Variants in ARHGEF33 observed in about 807,000 individuals in gnomAD.
The protein encoded by ARHGEF33 is Rho guanine nucleotide exchange factor 33.
A neutral mutation model predicts 101.9 loss-of-function variants in ARHGEF33; 72 were observed. That is an observed-to-expected ratio of 0.71 (90% CI 0.58 to 0.86). The LOEUF (loss-of-function observed/expected upper bound fraction) is 0.86, where lower values mean the gene tolerates loss of function less well. Among genes scored for constraint, ARHGEF33 ranks in the 40% least tolerant of loss-of-function variants. The pLI, the probability that ARHGEF33 is intolerant of heterozygous loss-of-function variation, is 0.00. For missense variants in ARHGEF33, 1,169 were observed against 1,111.3 expected (o/e 1.05, Z -0.74); for synonymous variants, 499 against 442.5 (o/e 1.13, Z -1.60).
chr2:38,926,074 C>G (rs963551684), intron 4 of ARHGEF33, among the ~76,000 whole-genome samples: 1 of 152,182 alleles, frequency 6.6e-6, no homozygotes, highest in Non-Finnish European at 1.5e-5. Context: ...AATTCGGACT[C>G]CTCTCCCCTA....
chr2:38,967,230 A>G (rs1275980426), intron 17 of ARHGEF33, among the ~76,000 whole-genome samples: 3 of 152,108 alleles, frequency 2.0e-5, no homozygotes, highest in African/African-American at 7.2e-5. Flanking sequence ...TCTAATTGTA[A>G]TTATCCTCCT....
At chr2:38,919,266 G>T (rs1666704394) in intron 2 of ARHGEF33, 97 bp from the exon 3 acceptor site, 2 of 592,440 alleles carry the variant, frequency 3.4e-6, no homozygotes, top group Admixed American at 5.9e-5. Context: ...TGTACCTCAA[G>T]CTGTGTTCAT....
intron 1 of ARHGEF33, among the ~76,000 whole-genome samples, chr2:38,891,130 C>T (rs971843135): frequency 1.3e-5 from 2 of 151,974 alleles, no homozygotes; most frequent in Non-Finnish European, 2.9e-5. Context: ...GATGGGGTTT[C>T]GTCATGTTGC....
Position 38,950,586 on chromosome 2 carries a change from G to A in ARHGEF33, c.921-403G>A, listed in dbSNP as rs573857790. 2.4e-3 allele frequency among the ~76,000 whole-genome samples: 366 copies of A among 152,284 alleles called. 3 individuals are homozygous for A. Among genetic ancestry groups the A allele is most frequent in the Non-Finnish European group, 4.0e-3 (269 of 68,014 alleles). ...CCTGCCTTAGCCTCCCAAGTAGCTG[G>A]AATTAGGTGCATGCCACCATGCCCA... On this transcript the variant is annotated intron_variant, in intron 10 of 17. Coordinates refer to ENST00000409978, the MANE Select transcript of ARHGEF33 (RefSeq NM_001145451.5).
intron 4 of ARHGEF33, 34 bp downstream of exon 4, chr2:38,921,457 T>A (rs1368737140): frequency 1.4e-6 from 2 of 1,400,202 alleles, no homozygotes; most frequent in South Asian, 1.2e-5. Context: ...AATGCTCCCA[T>A]GTATAATAGC....
rs2124436838 is a variant in ARHGEF33, at chr2:38,974,292, G to A, written c.*449G>A. The A allele has an allele frequency of 6.6e-6, 1 of 152,204 alleles. No homozygotes were observed. The highest frequency in any genetic ancestry group is 2.1e-4 in the South Asian group (1 of 4,812). The allele number at this position is 152,204 out of a possible 1,614,324, so 9.4% of individuals were successfully genotyped here. A position where few individuals can be genotyped will look rare whatever the true frequency, so the allele number is the denominator to read the frequency against. On this transcript the variant is annotated 3_prime_UTR_variant, in exon 18 of 18. Coordinates refer to ENST00000409978, the MANE Select transcript of ARHGEF33 (RefSeq NM_001145451.5). The stretch of plus-strand genomic sequence containing the variant: ...TTAAACTAATATACACTATGTTAGG[G>A]GCCAGTTCTGTCTTGCTTCATGTCT...
chr2:38,936,533 T>G (rs1253944359), intron 8 of ARHGEF33, among the ~76,000 whole-genome samples: 1 of 152,220 alleles, frequency 6.6e-6, no homozygotes, highest in African/African-American at 2.4e-5. Flanking sequence ...AAAAAGCTCC[T>G]TATATAGTAA....
chr2:38,960,489 G>T lies in ARHGEF33; in HGVS notation c.2184G>T (p.Thr728=), dbSNP rs1174912978. ...ADGVAPRLYS[T]RSSSGGRAPI... is the part of the protein sequence containing the mutation. ...GCGTGGCCCCACGCCTCTACAGCAC[G>T]CGCAGCAGCAGCGGCGGCCGCGCGC... The change falls in exon 16 of 18, where the codon ACG becomes ACT. Residue 728 remains threonine (T), a synonymous_variant. Coordinates refer to ENST00000409978, the MANE Select transcript of ARHGEF33 (RefSeq NM_001145451.5). 1 of 1,398,026 alleles carries T rather than the reference G, an allele frequency of 7.2e-7. No individual in the cohort carries two copies. Among genetic ancestry groups the T allele is most frequent in the Admixed American group, 3.1e-5 (1 of 32,228 alleles). 86.6% of individuals were successfully genotyped at this position (1,398,026 alleles called of 1,614,324 possible).
At chr2:38,921,234 T>C (rs1666748952) in intron 3 of ARHGEF33, 140 bp from the exon 4 acceptor site, 1 of 619,334 alleles carries the variant, frequency 1.6e-6, no homozygotes, top group African/African-American at 1.8e-5. Context: ...GCTCATTTTT[T>C]GTTCCCCTGG....
At chr2:38,929,094 T>A in intron 5 of ARHGEF33, 23 bp downstream of exon 5, 4 of 1,533,546 alleles carry the variant, frequency 2.6e-6, no homozygotes, top group Non-Finnish European at 3.5e-6. Flanking sequence ...TTAATTTCCC[T>A]GCTGACAAGA....
At position 38,905,184 on chromosome 2, in the gene ARHGEF33, G is replaced by A. The variant is rs763726215; in HGVS notation, c.-86+9335G>A. ...GGTGACCAAGGACATTCATTTAGCCGAAAAAAAAAAAGCCAGTTTTGTTTC... is the reference window on the plus strand; with the variant it reads ...GGTGACCAAGGACATTCATTTAGCCAAAAAAAAAAAAGCCAGTTTTGTTTC... On this transcript the variant is annotated intron_variant, in intron 2 of 17. Coordinates refer to ENST00000409978, the MANE Select transcript of ARHGEF33 (RefSeq NM_001145451.5). Among the ~76,000 whole-genome samples, 110 of 141,454 alleles carry A rather than the reference G, an allele frequency of 7.8e-4. 1 individual carries two copies. The highest frequency in any genetic ancestry group is 3.6e-3 in the Middle Eastern group (1 of 280). The allele number at this position is 141,454 out of a possible 152,430, so 92.8% of individuals were successfully genotyped here. A position where few individuals can be genotyped will look rare whatever the true frequency, so the allele number is the denominator to read the frequency against.
At chr2:38,947,805 C>T (rs1168812762) in intron 10 of ARHGEF33, among the ~76,000 whole-genome samples, 2 of 152,112 alleles carry the variant, frequency 1.3e-5, no homozygotes, top group African/African-American at 4.8e-5. Flanking sequence ...CCACCAAGAG[C>T]TCAACAAGCT....
rs79316682 is a variant in ARHGEF33 at position 38,912,135 on chromosome 2, C to T, written c.-85-7228C>T. ...ACTTAACATTATTTTCCCCAGTGTCCGCCAAGGCCTGAATGGGTGTTTTTA... is the reference window on the plus strand; with the variant it reads ...ACTTAACATTATTTTCCCCAGTGTCTGCCAAGGCCTGAATGGGTGTTTTTA... On this transcript the variant is annotated intron_variant, in intron 2 of 17. Coordinates refer to ENST00000409978, the MANE Select transcript of ARHGEF33 (RefSeq NM_001145451.5). Among the ~76,000 whole-genome samples, 477 of 152,302 alleles carry T rather than the reference C, an allele frequency of 3.1e-3. 4 individuals are homozygous for T. The highest frequency in any genetic ancestry group is 0.011 in the African/African-American group (448 of 41,550).
intron 2 of ARHGEF33, among the ~76,000 whole-genome samples, chr2:38,909,496 T>C (rs939029044): frequency 2.0e-5 from 3 of 149,950 alleles, no homozygotes; most frequent in South Asian, 4.2e-4. Context: ...TAATTTCTTT[T>C]TTTTTTTTTT....
chr2:38,927,557 G>T (rs964096451), intron 4 of ARHGEF33, among the ~76,000 whole-genome samples: 1 of 152,172 alleles, frequency 6.6e-6, no homozygotes, highest in Non-Finnish European at 1.5e-5. Context: ...TTAGCTGGAT[G>T]TGGTGGCGCA....
At chr2:38,926,828 G>T (rs1666882930) in intron 4 of ARHGEF33, among the ~76,000 whole-genome samples, 2 of 151,706 alleles carry the variant, frequency 1.3e-5, no homozygotes, top group Non-Finnish European at 2.9e-5. Flanking sequence ...TTTTTTCCAA[G>T]CAGGAAACCT....
chr2:38,891,729 G>GC (rs377305767), intron 1 of ARHGEF33, among the ~76,000 whole-genome samples: 1,221 of 112,868 alleles, frequency 0.011, 15 homozygotes, highest in African/African-American at 0.039. Flanking sequence ...TTCCCCACCC[G>GC]CCCCCCACAC....
In ARHGEF33 at chr2:38,951,659, A is replaced by G. The variant is rs138942020; in HGVS notation, c.1053+538A>G. 5.7e-3 allele frequency among the ~76,000 whole-genome samples: 873 copies of G among 152,110 alleles called. 7 individuals carry two copies. The highest frequency in any genetic ancestry group is 0.02 in the African/African-American group (836 of 41,488). On this transcript the variant is annotated intron_variant, in intron 11 of 17. Transcript: ENST00000409978. ...AACATGTATATATATGCATCTGTGTATATATATACACAAATATATATGCAT... is the reference window on the plus strand; with the variant it reads ...AACATGTATATATATGCATCTGTGTGTATATATACACAAATATATATGCAT...
Position 38,953,229 on chromosome 2 carries a change from T to C in ARHGEF33, c.1121T>C (p.Val374Ala), listed in dbSNP as rs770444691. ...CCTGAGTGCATCTCATTGGTTCATGTTGTAGTCCTGAAAGAGGTGAGTTAA... is the reference window on the plus strand; with the variant it reads ...CCTGAGTGCATCTCATTGGTTCATGCTGTAGTCCTGAAAGAGGTGAGTTAA... ...DLPECISLVH[V>A]VVLKEGDEEI... The change falls in exon 12 of 18, where the codon GTT becomes GCT. Residue 374 changes from valine to alanine, a missense_variant. By Grantham distance (64) the Val-to-Ala change is moderately conservative. Coordinates refer to ENST00000409978, the MANE Select transcript of ARHGEF33 (RefSeq NM_001145451.5). The C allele has an allele frequency of 2.6e-6, 4 of 1,534,400 alleles. No homozygotes were observed. The highest frequency in any genetic ancestry group is 2.4e-5 in the East Asian group (1 of 40,856).
Sources: allele counts gnomAD v4.1 joint callset (sites outside exome capture counted in the v4.1 genomes callset), GRCh38; gene constraint gnomAD v4.1.1; transcripts MANE v1.5; gene names NCBI Gene and HGNC (gene_info 2026-07-23, HGNC 2026-07-21).